The following DDR2 variants were observed in gnomAD, a reference collection of about 807,000 sequenced individuals.
The protein encoded by DDR2 is discoidin domain-containing receptor 2.
In DDR2, 27 loss-of-function variants were observed where a neutral mutation model predicts 94.9. The observed-to-expected ratio is 0.28, with a 90% CI of 0.21 to 0.39. The LOEUF is 0.39. DDR2 is among the 10% of genes least tolerant of loss of function. The pLI is 1.00. For synonymous variants in DDR2, 382 were observed against 377.2 expected, an observed-to-expected ratio of 1.01 and a Z score of -0.15; for missense variants, 783 against 1,076.0, an observed-to-expected ratio of 0.73 and a Z score of 3.81.
In DDR2 at chr1:162,770,393, C is replaced by G. The variant is rs1664206019; in HGVS notation, c.1385C>G (p.Pro462Arg). ...TTCAACAATAACCGCTCCTCATCAC[C>G]TAGTGAACAAGGGTCCAACTCGACT... Reference protein sequence around the residue: ...SMFNNNRSSSPSEQGSNSTYD... With the variant: ...SMFNNNRSSSRSEQGSNSTYD... Residue 462 changes from proline (P) to arginine (R), a missense_variant, in exon 12 of 18, where the codon CCT (proline) becomes CGT (arginine). By Grantham distance (103) the Pro-to-Arg change is moderately radical (BLOSUM62 -2). Around this residue, in one of 2 missense-constraint regions of DDR2, gnomAD observed 519 missense variants for 647.9 expected, o/e 0.80. Transcript: ENST00000367921. The G allele has an allele frequency of 6.2e-7, 1 of 1,614,000 alleles. No individual in the cohort carries two copies. Among genetic ancestry groups the G allele is most frequent in the Non-Finnish European group, 8.5e-7 (1 of 1,180,030 alleles).
At chr1:162,645,020 T>C (rs1406453452) in intron 1 of DDR2, among the ~76,000 whole-genome samples, 2 of 152,220 alleles carry the variant, frequency 1.3e-5, no homozygotes, top group Non-Finnish European at 2.9e-5. Flanking sequence ...GCTTTGCTAT[T>C]GGCAATGTAA....
intron 3 of DDR2, among the ~76,000 whole-genome samples, chr1:162,727,526 A>G: frequency 6.8e-6 from 1 of 146,336 alleles, no homozygotes; most frequent in East Asian, 2.0e-4. Flanking sequence ...ATAAATAAAT[A>G]AATAAAAATA....
At position 162,766,053 on chromosome 1, in the gene DDR2, C is replaced by G. The variant is rs764901648; in HGVS notation, c.1152C>G (p.Pro384=). The change falls in exon 10 of 18, where the codon CCC becomes CCG. Residue 384 remains proline, a synonymous_variant. Coordinates refer to ENST00000367921, the MANE Select transcript of DDR2 (RefSeq NM_006182.4). The part of the protein sequence containing the change: ...SEALPTSPMA[P]TTYDPMLKVD... ...CCCTGCCCACCTCTCCTATGGCACC[C>G]ACAACCTATGGTATATGTGATTCCT... 6.2e-7 allele frequency: 1 copy of G among 1,613,906 alleles called. No homozygotes were observed.
At chr1:162,668,089 G>C (rs756518657) in intron 2 of DDR2, among the ~76,000 whole-genome samples, 1 of 152,148 alleles carries the variant, frequency 6.6e-6, no homozygotes, top group Admixed American at 6.5e-5. Context: ...CTCCCCTGGA[G>C]TACAAACTTT....
At chr1:162,754,905 C>T (rs1663384326) in intron 5 of DDR2, 50 bp downstream of exon 5, 1 of 1,606,156 alleles carries the variant, frequency 6.2e-7, no homozygotes, top group Non-Finnish European at 8.5e-7. Context: ...CATATTTTGA[C>T]TTAGGCTAGG....
intron 2 of DDR2, among the ~76,000 whole-genome samples, chr1:162,673,602 TGTGTGTGAGAGAGAGA>T (rs1484294948): frequency 8.6e-6 from 1 of 116,018 alleles, no homozygotes; most frequent in African/African-American, 3.4e-5. Flanking sequence ...TGTATGTGTG[TGTGTGTGAGAGAGAGA>T]GAGAGAGAGA....
intron 2 of DDR2, among the ~76,000 whole-genome samples, chr1:162,666,906 ATTAT>A (rs975419838): frequency 2.7e-5 from 4 of 149,368 alleles, no homozygotes; most frequent in South Asian, 2.1e-4. Context: ...ATTTTTTATA[ATTAT>A]TTAATATATA....
chr1:162,773,509 A>G lies in DDR2; in HGVS notation c.1769A>G (p.Asp590Gly). The G allele has an allele frequency of 6.2e-7, 1 of 1,614,008 alleles. No homozygotes were observed. Among genetic ancestry groups the G allele is most frequent in the Non-Finnish European group, 8.5e-7 (1 of 1,179,910 alleles). The change falls in exon 14 of 18, where the codon GAC (aspartate) becomes GGC (glycine). Residue 590 changes from aspartate to glycine, a missense_variant. By Grantham distance (94) the Asp-to-Gly change is moderately conservative (BLOSUM62 -1). This residue lies in a region of DDR2 where 264 missense variants were observed against 428.2 expected (regional missense o/e 0.62). Coordinates refer to ENST00000367921, the MANE Select transcript of DDR2 (RefSeq NM_006182.4). ...CEVEGMEKFK[D>G]KDFALDVSAN... The stretch of plus-strand genomic sequence containing the variant: ...GTGGAGGGAATGGAAAAATTCAAAG[A>G]CAAAGATTTTGCCCTAGATGTCAGT...
chr1:162,761,974 C>A (rs1663768272), intron 9 of DDR2, among the ~76,000 whole-genome samples: 5 of 152,162 alleles, frequency 3.3e-5, no homozygotes, highest in Admixed American at 1.3e-4. Context: ...AAGAAAATAG[C>A]ATCATTTTCA....
intron 1 of DDR2, among the ~76,000 whole-genome samples, chr1:162,647,673 A>G (rs904649931): frequency 1.6e-4 from 24 of 152,216 alleles, no homozygotes; most frequent in Non-Finnish European, 2.6e-4. Context: ...TTTTTAGACT[A>G]TATGAGGTAA....
intron 11 of DDR2, among the ~76,000 whole-genome samples, chr1:162,768,314 C>A (rs116145687): frequency 6.6e-6 from 1 of 152,134 alleles, no homozygotes; most frequent in Admixed American, 6.6e-5. Flanking sequence ...GGCCTGCTGA[C>A]GACTAAGTGT....
chr1:162,648,816 A>C (rs562191877), intron 1 of DDR2, among the ~76,000 whole-genome samples: 178 of 152,250 alleles, frequency 1.2e-3, no homozygotes, highest in African/African-American at 4.0e-3. Flanking sequence ...GGAATGTATG[A>C]GAACAAAAAC....
intron 2 of DDR2, among the ~76,000 whole-genome samples, chr1:162,709,203 G>C (rs1482493120): frequency 6.6e-6 from 1 of 152,180 alleles, no homozygotes; most frequent in Non-Finnish European, 1.5e-5. Context: ...ATAAGGAGCA[G>C]CAAGGGAGGT....
chr1:162,768,896 T>A (rs2102177297), intron 11 of DDR2, among the ~76,000 whole-genome samples: 1 of 152,282 alleles, frequency 6.6e-6, no homozygotes, highest in East Asian at 1.9e-4. Flanking sequence ...AATATCAAAA[T>A]TTTTCCTCCT....
chr1:162,773,520 G>A lies in DDR2; in HGVS notation c.1780G>A (p.Ala594Thr). Residue 594 changes from alanine to threonine, a missense_variant, in exon 14 of 18, where the codon GCC (alanine) becomes ACC (threonine). Transcript: ENST00000367921. Reference protein sequence around the residue: ...GMEKFKDKDFALDVSANQPVL... With the variant: ...GMEKFKDKDFTLDVSANQPVL... Reference sequence around the variant, plus strand: ...GGAAAAATTCAAAGACAAAGATTTTGCCCTAGATGTCAGTGCCAACCAGCC... The same window carrying A: ...GGAAAAATTCAAAGACAAAGATTTTACCCTAGATGTCAGTGCCAACCAGCC... The A allele has an allele frequency of 6.2e-7, 1 of 1,614,084 alleles. No homozygotes were observed. The highest frequency in any genetic ancestry group is 1.1e-5 in the South Asian group (1 of 91,072).
chr1:162,742,008 A>G (rs1662635493), intron 3 of DDR2, among the ~76,000 whole-genome samples: 1 of 152,194 alleles, frequency 6.6e-6, no homozygotes, highest in Non-Finnish European at 1.5e-5. Context: ...ATCCTGTGTT[A>G]GTGTTTCCTC....
At chr1:162,651,161 C>T (rs915371144) in intron 1 of DDR2, among the ~76,000 whole-genome samples, 2 of 152,194 alleles carry the variant, frequency 1.3e-5, no homozygotes, top group African/African-American at 4.8e-5. Context: ...TTCAGCCTCA[C>T]AGAGCTTCTC....
At chr1:162,731,136 T>C (rs1486905072) in intron 3 of DDR2, among the ~76,000 whole-genome samples, 2 of 152,236 alleles carry the variant, frequency 1.3e-5, no homozygotes, top group African/African-American at 4.8e-5. Flanking sequence ...GAGGGAGCAC[T>C]AATTACTGCA....
intron 14 of DDR2, among the ~76,000 whole-genome samples, chr1:162,775,111 A>G (rs1227751077): frequency 6.6e-6 from 1 of 152,332 alleles, no homozygotes; most frequent in East Asian, 1.9e-4. Flanking sequence ...TCGACAGGCT[A>G]CTAAATACAT....
Sources: allele counts gnomAD v4.1 joint callset (sites outside exome capture counted in the v4.1 genomes callset), GRCh38; gene constraint gnomAD v4.1.1; regional missense constraint gnomAD v4.1.1; transcripts MANE v1.5; gene names NCBI Gene and HGNC (gene_info 2026-07-23, HGNC 2026-07-21).